MICU1: variants seen among roughly 807,000 people sequenced by gnomAD.
MICU1 encodes calcium uptake protein 1, mitochondrial.
Under a neutral mutation model 56.8 loss-of-function variants are expected in MICU1, and 45 were observed. That is an observed-to-expected ratio of 0.79 (90% confidence interval 0.62 to 1.02). The LOEUF (loss-of-function observed/expected upper bound fraction) is 1.02. MICU1 is among the 50% of genes least tolerant of loss of function. The pLI is 0.00. For missense variants in MICU1, 504 were observed against 587.1 expected (o/e 0.86, Z 1.46); for synonymous variants, 186 against 195.1 (o/e 0.95, Z 0.39).
chr10:72,450,726 CTTT>C (rs34091247), intron 8 of MICU1, among the ~76,000 whole-genome samples: 13 of 128,772 alleles, frequency 1.0e-4, no homozygotes, highest in Non-Finnish European at 1.7e-4. Flanking sequence ...TTTTTTAATT[CTTT>C]TTTTTTTTTT....
intron 6 of MICU1, among the ~76,000 whole-genome samples, chr10:72,490,915 G>C (rs1294045518): frequency 6.6e-6 from 1 of 152,052 alleles, no homozygotes; most frequent in Non-Finnish European, 1.5e-5. Context: ...ATTTGTCTTC[G>C]TCCAGATCTG....
chr10:72,420,442 C>G (rs532816552), intron 9 of MICU1, among the ~76,000 whole-genome samples: 1 of 152,282 alleles, frequency 6.6e-6, no homozygotes, highest in East Asian at 1.9e-4. Flanking sequence ...GAAATCAAAC[C>G]TCTTTCCTTT....
At chr10:72,552,364 T>C (rs1284772960) in intron 3 of MICU1, among the ~76,000 whole-genome samples, 1 of 152,210 alleles carries the variant, frequency 6.6e-6, no homozygotes, top group Non-Finnish European at 1.5e-5. Flanking sequence ...ACCAGCCACA[T>C]AATATTTTAG....
intron 8 of MICU1, among the ~76,000 whole-genome samples, chr10:72,463,228 T>C (rs11000314): frequency 2.0e-4 from 31 of 152,160 alleles, no homozygotes; most frequent in Admixed American, 5.2e-4. Flanking sequence ...CACACCTGGC[T>C]AATTTTGTAT....
chr10:72,418,685 C>T (rs1864062889), intron 9 of MICU1, among the ~76,000 whole-genome samples: 1 of 152,190 alleles, frequency 6.6e-6, no homozygotes. Flanking sequence ...GAACCTCACA[C>T]AGAAACTGAT....
intron 3 of MICU1, among the ~76,000 whole-genome samples, chr10:72,557,227 C>A (rs1313264636): frequency 6.6e-6 from 1 of 152,160 alleles, no homozygotes; most frequent in Admixed American, 6.5e-5. Flanking sequence ...ATACAACCCA[C>A]AGTGCACCTT....
rs564160494 is a variant in MICU1, at chr10:72,539,070, C to T, written c.494-5281G>A. ...AATTGTAAATATATATGAACCCAAT[C>T]TCAGTGCACCTAAATATAAAGCAAA... On this transcript the variant is annotated intron_variant, in intron 4 of 11. Transcript: ENST00000361114. 3.9e-5 allele frequency among the ~76,000 whole-genome samples: 6 copies of T among 152,174 alleles called. No homozygotes were observed. In the South Asian group the frequency reaches 8.3e-4, roughly 21 times the overall value.
chr10:72,468,117 G>A (rs1865848113), intron 8 of MICU1, among the ~76,000 whole-genome samples: 2 of 152,172 alleles, frequency 1.3e-5, no homozygotes, highest in Admixed American at 6.5e-5. Flanking sequence ...TTACAGGCAT[G>A]AGCCATCGTG....
intron 1 of MICU1, among the ~76,000 whole-genome samples, chr10:72,609,966 C>T (rs1841798753): frequency 6.6e-6 from 1 of 151,030 alleles, no homozygotes. Context: ...CCTGGAGGGG[C>T]GGAGGTTGCA....
chr10:72,537,767 A>T (rs1283409680), intron 4 of MICU1, among the ~76,000 whole-genome samples: 1 of 152,186 alleles, frequency 6.6e-6, no homozygotes, highest in Non-Finnish European at 1.5e-5. Context: ...GTAAAAGTAG[A>T]GTATGTGTAA....
At chr10:72,545,013 G>GA (rs1270410890) in intron 4 of MICU1, among the ~76,000 whole-genome samples, 1 of 152,088 alleles carries the variant, frequency 6.6e-6, no homozygotes, top group East Asian at 1.9e-4. Context: ...CAGTATGTGT[G>GA]AAAAATACAA....
intron 8 of MICU1, among the ~76,000 whole-genome samples, chr10:72,450,872 GCAC>G (rs1865275567): frequency 2.0e-5 from 3 of 151,814 alleles, no homozygotes; most frequent in Admixed American, 2.0e-4. Context: ...TTACAGCTGT[GCAC>G]CACCACATCT....
chr10:72,369,104 C>A (rs112155297), intron 11 of MICU1, among the ~76,000 whole-genome samples: 1 of 151,894 alleles, frequency 6.6e-6, no homozygotes, highest in South Asian at 2.1e-4. Flanking sequence ...ATAGCGAGAC[C>A]CTGTCTCTAA....
At chr10:72,594,950 T>C (rs1202342936) in intron 1 of MICU1, among the ~76,000 whole-genome samples, 1 of 79,544 alleles carries the variant, frequency 1.3e-5, no homozygotes, top group Non-Finnish European at 3.2e-5. Flanking sequence ...GATGAACCAA[T>C]GAAAAATGAG....
At chr10:72,617,083 C>T (rs1204129475) in intron 1 of MICU1, among the ~76,000 whole-genome samples, 1 of 152,170 alleles carries the variant, frequency 6.6e-6, no homozygotes, top group Admixed American at 6.5e-5. Flanking sequence ...GCTTTTTTAG[C>T]TGTTTCAGGC....
At chr10:72,579,876 G>T (rs1185995775) in intron 1 of MICU1, among the ~76,000 whole-genome samples, 1 of 151,546 alleles carries the variant, frequency 6.6e-6, no homozygotes, top group Non-Finnish European at 1.5e-5. Flanking sequence ...AATGAATTTT[G>T]TGTTTAGACT....
chr10:72,453,778 A>C (rs1159186162), intron 8 of MICU1, among the ~76,000 whole-genome samples: 2 of 151,538 alleles, frequency 1.3e-5, no homozygotes, highest in East Asian at 3.9e-4. Context: ...TGATCCACCC[A>C]CCTCAGCCTC....
At chr10:72,447,669 A>T (rs2132201344) in intron 8 of MICU1, among the ~76,000 whole-genome samples, 1 of 152,248 alleles carries the variant, frequency 6.6e-6, no homozygotes, top group Admixed American at 6.5e-5. Context: ...GTACAGGCAG[A>T]AGTTAAAAAA....
At position 72,494,273 on chromosome 10, in the gene MICU1, G is replaced by A. The variant is rs923699022; in HGVS notation, c.652+13882C>T. On this transcript the variant is annotated intron_variant, in intron 6 of 11. Transcript: ENST00000361114. Reference sequence around the variant, plus strand: ...CAAGCCCATGCCCTGGGAATTTCTGGTCCATAGACAGTCAAAGGGTAGTTA... The same window carrying A: ...CAAGCCCATGCCCTGGGAATTTCTGATCCATAGACAGTCAAAGGGTAGTTA... 3.3e-5 allele frequency among the ~76,000 whole-genome samples: 5 copies of A among 152,238 alleles called. No individual in the cohort carries two copies. In the East Asian group the frequency reaches 9.6e-4, roughly 29 times the overall value.
Sources: allele counts gnomAD v4.1 joint callset (sites outside exome capture counted in the v4.1 genomes callset), GRCh38; gene constraint gnomAD v4.1.1; transcripts MANE v1.5; gene names NCBI Gene and HGNC (gene_info 2026-07-23, HGNC 2026-07-21).